PCSK2: variants seen among roughly 807,000 people sequenced by gnomAD.
PCSK2 encodes the protein neuroendocrine convertase 2.
In PCSK2, 14 loss-of-function variants were observed where a neutral mutation model predicts 69.7. The ratio of observed to expected loss-of-function variants is 0.20; its 90% confidence interval spans 0.13 to 0.31. PCSK2 has a LOEUF of 0.31. Among genes scored for constraint, PCSK2 ranks in the 10% least tolerant of loss-of-function variants. PCSK2 has a pLI of 1.00. For missense variants in PCSK2, 544 were observed against 842.5 expected, an observed-to-expected ratio of 0.65 and a Z score of 4.39; for synonymous variants, 307 against 320.7, an observed-to-expected ratio of 0.96 and a Z score of 0.46.
chr20:17,415,648 C>T (rs1421529129), intron 6 of PCSK2, among the ~76,000 whole-genome samples: 1 of 152,168 alleles, frequency 6.6e-6, no homozygotes, highest in African/African-American at 2.4e-5. Context: ...ATCAAGCTAC[C>T]AATGACTTTC....
intron 6 of PCSK2, among the ~76,000 whole-genome samples, chr20:17,424,771 G>A (rs933759826): frequency 4.0e-5 from 6 of 151,570 alleles, no homozygotes; most frequent in Non-Finnish European, 7.4e-5. Flanking sequence ...GATTACAGGC[G>A]TGAGCCACAG....
chr20:17,252,226 C>T (rs1039294190), intron 1 of PCSK2, among the ~76,000 whole-genome samples: 1 of 152,054 alleles, frequency 6.6e-6, no homozygotes, highest in Non-Finnish European at 1.5e-5. Flanking sequence ...TAAAAAAAAG[C>T]TGTGGCTTTA....
chr20:17,342,029 G>T (rs1215241404), intron 2 of PCSK2, among the ~76,000 whole-genome samples: 1 of 152,160 alleles, frequency 6.6e-6, no homozygotes, highest in African/African-American at 2.4e-5. Context: ...GATTTTCTTT[G>T]ATTTGTTTGT....
intron 1 of PCSK2, among the ~76,000 whole-genome samples, chr20:17,230,062 C>G (rs896448076): frequency 6.6e-6 from 1 of 152,298 alleles, no homozygotes; most frequent in East Asian, 1.9e-4. Flanking sequence ...AGGAAACTTC[C>G]TTGTCTGTAT....
intron 2 of PCSK2, among the ~76,000 whole-genome samples, chr20:17,307,125 CA>C (rs1420364370): frequency 6.6e-6 from 1 of 152,158 alleles, no homozygotes; most frequent in African/African-American, 2.4e-5. Context: ...AGTTATTTCA[CA>C]GGCTTTATCT....
chr20:17,356,801 C>T (rs1048449837), intron 2 of PCSK2, among the ~76,000 whole-genome samples: 8 of 152,114 alleles, frequency 5.3e-5, no homozygotes, highest in African/African-American at 1.7e-4. Flanking sequence ...GAGGGAACCT[C>T]CAGGATAAAT....
At chr20:17,479,314 T>A in intron 11 of PCSK2, 4 of 818,536 alleles carry the variant, frequency 4.9e-6, no homozygotes, top group South Asian at 4.1e-5. Flanking sequence ...CACTGGTTGA[T>A]GTTGTTGTAA....
chr20:17,409,723 A>G (rs1358716345), intron 6 of PCSK2, among the ~76,000 whole-genome samples: 2 of 152,340 alleles, frequency 1.3e-5, no homozygotes, highest in East Asian at 3.9e-4. Flanking sequence ...TTTGAAAAGC[A>G]TTCTGTACGC....
intron 2 of PCSK2, among the ~76,000 whole-genome samples, chr20:17,268,805 C>A (rs6044714): frequency 1.3e-5 from 2 of 151,950 alleles, no homozygotes; most frequent in African/African-American, 2.4e-5. Context: ...CCATGCAAGG[C>A]GATTGCAATA....
Position 17,300,295 on chromosome 20 carries a change from T to C in PCSK2, c.282+39951T>C, listed in dbSNP as rs182235855. ...AGCCATCTGTGTCTATTGAACCCAG[T>C]GTGTGCACTGCTGTGGGCGCCTGTT... On this transcript the variant is annotated intron_variant, in intron 2 of 11. Coordinates refer to ENST00000262545, the MANE Select transcript of PCSK2 (RefSeq NM_002594.5). Among the ~76,000 whole-genome samples the C allele has an allele frequency of 2.6e-5, 4 of 152,302 alleles. No individual in the cohort carries two copies. In the East Asian group the frequency reaches 5.8e-4, roughly 22 times the overall value.
chr20:17,419,421 G>A (rs1056297513), intron 6 of PCSK2, among the ~76,000 whole-genome samples: 2 of 152,128 alleles, frequency 1.3e-5, no homozygotes, highest in Admixed American at 1.3e-4. Context: ...CTTGCAATGA[G>A]CAAAATACAT....
At position 17,323,551 on chromosome 20, in the gene PCSK2, G is replaced by C. The variant is rs557930076; in HGVS notation, c.283-34776G>C. On this transcript the variant is annotated intron_variant, in intron 2 of 11. Transcript: ENST00000262545. ...TACCCAAGATTACAAAGCTATTAAT[G>C]TGGAGCCAGGGTTCTAACTTCAGTC... Among the ~76,000 whole-genome samples, 24 of 152,310 alleles carry C rather than the reference G, an allele frequency of 1.6e-4. No homozygotes were observed. The South Asian group carries it at 3.3e-3, about 21-fold the overall frequency.
chr20:17,369,160 C>A, intron 4 of PCSK2, 80 bp from the exon 5 acceptor site: 3 of 1,265,592 alleles, frequency 2.4e-6, no homozygotes, highest in South Asian at 1.2e-5. Flanking sequence ...ATAAAGAGGG[C>A]ACTTTCTTGG....
chr20:17,423,703 AG>A (rs1249532887), intron 6 of PCSK2, among the ~76,000 whole-genome samples: 4 of 152,262 alleles, frequency 2.6e-5, no homozygotes, highest in African/African-American at 7.2e-5. Flanking sequence ...GAAGACGTGC[AG>A]CAAATTTTAT....
intron 2 of PCSK2, among the ~76,000 whole-genome samples, chr20:17,339,819 A>G (rs1990458115): frequency 1.3e-5 from 2 of 152,332 alleles, no homozygotes. Context: ...AGCAATGGAA[A>G]AGAGTAGAGT....
chr20:17,444,313 G>A lies in PCSK2; in HGVS notation c.885+7430G>A, dbSNP rs895228241. ...AGAGACTTTTATCGGGGCATGCACTGTTTGCCATAGATCCCACCATTCCCA... is the reference window on the plus strand; with the variant it reads ...AGAGACTTTTATCGGGGCATGCACTATTTGCCATAGATCCCACCATTCCCA... On this transcript the variant is annotated intron_variant, in intron 8 of 11. Transcript: ENST00000262545. Among the ~76,000 whole-genome samples the A allele has an allele frequency of 1.1e-4, 16 of 152,288 alleles. 1 individual carries two copies. In the South Asian group the frequency reaches 3.3e-3, roughly 32 times the overall value.
intron 7 of PCSK2, among the ~76,000 whole-genome samples, chr20:17,430,701 G>C (rs2032345744): frequency 6.6e-6 from 1 of 152,162 alleles, no homozygotes; most frequent in Non-Finnish European, 1.5e-5. Context: ...TGAGCTCAGG[G>C]GAAAGAATAT....
intron 2 of PCSK2, among the ~76,000 whole-genome samples, chr20:17,338,485 G>A (rs1049546279): frequency 5.3e-5 from 8 of 151,716 alleles, no homozygotes; most frequent in African/African-American, 1.5e-4. Context: ...GTGAGCCACC[G>A]TGCCCAGCTA....
chr20:17,458,917 T>A (rs1160511209), intron 10 of PCSK2, among the ~76,000 whole-genome samples: 2 of 152,056 alleles, frequency 1.3e-5, no homozygotes, highest in Non-Finnish European at 2.9e-5. Context: ...ACTGCCACCT[T>A]CGAATATTTA....
Sources: allele counts gnomAD v4.1 joint callset (sites outside exome capture counted in the v4.1 genomes callset), GRCh38; gene constraint gnomAD v4.1.1; transcripts MANE v1.5; gene names NCBI Gene and HGNC (gene_info 2026-07-23, HGNC 2026-07-21).